The following NAALADL2 variants were observed in gnomAD, a reference collection of about 807,000 sequenced individuals.
NAALADL2 encodes the protein N-acetylated alpha-linked acidic dipeptidase like 2.
In NAALADL2, 76 loss-of-function variants were observed where a neutral mutation model predicts 87.2. The ratio of observed to expected loss-of-function variants is 0.87; its 90% CI spans 0.72 to 1.05. NAALADL2 has a LOEUF of 1.05. NAALADL2 is among the 50% of genes least tolerant of loss of function. NAALADL2 has a pLI of 0.00. For synonymous variants in NAALADL2, 354 were observed against 331.0 expected (o/e 1.07, Z -0.75); for missense variants, 1,089 against 945.8 (o/e 1.15, Z -1.99).
At chr3:174,590,204 A>G (rs1717208901) in intron 2 of NAALADL2, among the ~76,000 whole-genome samples, 1 of 152,056 alleles carries the variant, frequency 6.6e-6, no homozygotes, top group Admixed American at 6.5e-5. Flanking sequence ...AAGTTTTATA[A>G]GGATATCTTG....
chr3:175,678,417 A>T (rs532064624), intron 11 of NAALADL2, among the ~76,000 whole-genome samples: 1 of 152,318 alleles, frequency 6.6e-6, no homozygotes, highest in South Asian at 2.1e-4. Flanking sequence ...GTTGTGCTAC[A>T]TGCACACGTA....
chr3:175,621,120 C>CA (rs938108842), intron 10 of NAALADL2, among the ~76,000 whole-genome samples: 3 of 152,058 alleles, frequency 2.0e-5, no homozygotes, highest in Non-Finnish European at 4.4e-5. Context: ...ACGGATTCTA[C>CA]GTAAAACCGG....
chr3:175,005,408 A>G (rs553464665), intron 1 of NAALADL2, among the ~76,000 whole-genome samples: 2 of 152,284 alleles, frequency 1.3e-5, no homozygotes, highest in South Asian at 2.1e-4. Context: ...ATAATAACCT[A>G]TTTTTATTTT....
chr3:174,519,346 A>G (rs1319415062), intron 1 of NAALADL2, among the ~76,000 whole-genome samples: 1 of 126,814 alleles, frequency 7.9e-6, no homozygotes, highest in Non-Finnish European at 1.6e-5. Flanking sequence ...TTTTTTTTTG[A>G]GACAGAGTTT....
chr3:175,281,268 A>G (rs1489620049), intron 4 of NAALADL2, among the ~76,000 whole-genome samples: 1 of 151,794 alleles, frequency 6.6e-6, no homozygotes, highest in East Asian at 1.9e-4. Flanking sequence ...TACATGGTAT[A>G]TATTTTTGTG....
chr3:175,737,723 T>TG (rs1744694908), intron 12 of NAALADL2, among the ~76,000 whole-genome samples: 1 of 138,694 alleles, frequency 7.2e-6, no homozygotes, highest in African/African-American at 2.8e-5. Flanking sequence ...AGTTTTTTTT[T>TG]TTTTTTTTTT....
intron 11 of NAALADL2, among the ~76,000 whole-genome samples, chr3:175,727,106 G>A (rs1164117424): frequency 1.3e-5 from 2 of 152,132 alleles, no homozygotes; most frequent in African/African-American, 2.4e-5. Context: ...TTTTCATCAT[G>A]TCCAAGTGGT....
chr3:175,752,725 T>C (rs953619867), intron 12 of NAALADL2, among the ~76,000 whole-genome samples: 2 of 152,178 alleles, frequency 1.3e-5, no homozygotes, highest in Non-Finnish European at 2.9e-5. Flanking sequence ...GAAAGATAAA[T>C]TCATTTAAAG....
At chr3:175,072,826 C>G (rs1247633911) in intron 1 of NAALADL2, among the ~76,000 whole-genome samples, 4 of 150,932 alleles carry the variant, frequency 2.7e-5, no homozygotes, top group Non-Finnish European at 5.9e-5. Context: ...TACCCTAAAA[C>G]TTAAAGTATA....
intron 5 of NAALADL2, among the ~76,000 whole-genome samples, chr3:175,422,477 A>G (rs1715867665): frequency 6.6e-6 from 1 of 152,070 alleles, no homozygotes; most frequent in South Asian, 2.1e-4. Context: ...TACCTTTTTC[A>G]AGTATCAAAA....
chr3:174,540,995 G>T (rs1051353806), intron 1 of NAALADL2, among the ~76,000 whole-genome samples: 2 of 152,136 alleles, frequency 1.3e-5, no homozygotes, highest in Non-Finnish European at 2.9e-5. Context: ...AAACAGGGAT[G>T]GCACAGTTCC....
intron 2 of NAALADL2, among the ~76,000 whole-genome samples, chr3:174,700,258 G>GT (rs1339335639): frequency 4.1e-5 from 6 of 144,952 alleles, no homozygotes; most frequent in African/African-American, 1.5e-4. Flanking sequence ...GCGTAGAACT[G>GT]TAAGACTATG....
At chr3:175,786,374 A>G (rs1335522506) in intron 13 of NAALADL2, among the ~76,000 whole-genome samples, 1 of 152,170 alleles carries the variant, frequency 6.6e-6, no homozygotes, top group African/African-American at 2.4e-5. Flanking sequence ...ACATAGTCCC[A>G]TACTTCTTGG....
chr3:174,455,885 G>A (rs1359355527), intron 1 of NAALADL2, among the ~76,000 whole-genome samples: 4 of 151,902 alleles, frequency 2.6e-5, no homozygotes, highest in Non-Finnish European at 5.9e-5. Flanking sequence ...AGTCAGGCAA[G>A]AGAAAGAAAA....
At chr3:175,554,383 A>G (rs1714927608) in intron 9 of NAALADL2, among the ~76,000 whole-genome samples, 1 of 152,152 alleles carries the variant, frequency 6.6e-6, no homozygotes, top group Non-Finnish European at 1.5e-5. Context: ...TTTTCATACT[A>G]CTTGCCTTTA....
intron 2 of NAALADL2, among the ~76,000 whole-genome samples, chr3:175,112,053 T>G (rs759423238): frequency 6.6e-6 from 1 of 151,622 alleles, no homozygotes; most frequent in Non-Finnish European, 1.5e-5. Flanking sequence ...AATAAATGCA[T>G]AAATACATAA....
intron 11 of NAALADL2, among the ~76,000 whole-genome samples, chr3:175,705,995 C>G (rs577970088): frequency 6.6e-6 from 1 of 152,172 alleles, no homozygotes; most frequent in South Asian, 2.1e-4. Context: ...AAATAATAAC[C>G]TTGTATTTGA....
chr3:174,469,601 TC>T (rs1339204548), intron 1 of NAALADL2, among the ~76,000 whole-genome samples: 2 of 151,978 alleles, frequency 1.3e-5, no homozygotes, highest in Non-Finnish European at 2.9e-5. Context: ...GTTAATTTTT[TC>T]TGTTTTTTCA....
intron 10 of NAALADL2, among the ~76,000 whole-genome samples, chr3:175,578,686 A>T (rs1272646338): frequency 6.6e-6 from 1 of 152,220 alleles, no homozygotes; most frequent in East Asian, 1.9e-4. Context: ...GATATGTTTG[A>T]CAGTAAGCCT....
Sources: gnomAD v4.1 joint callset for allele counts (sites outside exome capture counted in the v4.1 genomes callset) on GRCh38, gnomAD v4.1.1 for gene constraint, MANE v1.5 for transcripts, NCBI Gene and HGNC (gene_info 2026-07-23, HGNC 2026-07-21) for gene names.